HSPG2: variants seen among roughly 807,000 people sequenced by gnomAD.
The protein encoded by HSPG2 is basement membrane-specific heparan sulfate proteoglycan core protein.
In HSPG2, 278 loss-of-function variants were observed where a neutral mutation model predicts 526.6. That is an observed-to-expected ratio of 0.53 (90% CI 0.48 to 0.58). HSPG2 has a LOEUF of 0.58. Ranked by LOEUF, HSPG2 falls within the 20% of genes least tolerant of loss-of-function variation. HSPG2 has a pLI of 0.00. For synonymous variants in HSPG2, 2,465 were observed against 2,555.4 expected (o/e 0.96, Z 1.07); for missense variants, 5,354 against 6,099.5 (o/e 0.88, Z 4.07).
intron 1 of HSPG2, among the ~76,000 whole-genome samples, chr1:21,911,886 C>G (rs1020996109): frequency 4.6e-5 from 7 of 152,208 alleles, no homozygotes; most frequent in African/African-American, 1.7e-4. Flanking sequence ...AGCTCTCTCT[C>G]CTCTGAACTC....
At chr1:21,910,905 G>A (rs183822323) in intron 1 of HSPG2, among the ~76,000 whole-genome samples, 8 of 152,274 alleles carry the variant, frequency 5.3e-5, no homozygotes, top group Admixed American at 1.3e-4. Context: ...GCAAGAAAAC[G>A]GGAGTTCCAG....
chr1:21,863,620 G>A (rs1639996919), intron 37 of HSPG2, among the ~76,000 whole-genome samples: 1 of 151,280 alleles, frequency 6.6e-6, no homozygotes, highest in African/African-American at 2.4e-5. Context: ...AGTGGCTCAT[G>A]TCTGTAGTCC....
Position 21,844,196 on chromosome 1 carries a change from G to A in HSPG2, c.8568C>T (p.Ala2856=). Residue 2856 remains alanine, a synonymous_variant, in exon 65 of 97, where the codon GCC becomes GCT. Transcript: ENST00000374695. The part of the protein sequence containing the change: ...LKCVVPGQAH[A]QVTWHKRGGN... ...CTCCACGCTTGTGCCACGTGACCTG[G>A]GCGTGGGCCTGCCCGGGCACCACGC... 4.3e-6 allele frequency: 7 copies of A among 1,613,772 alleles called. No homozygotes were observed. The highest frequency in any genetic ancestry group is 1.7e-6 in the Non-Finnish European group (2 of 1,180,032).
intron 74 of HSPG2, among the ~76,000 whole-genome samples, chr1:21,838,152 AAAAAAAG>A (rs1386206625): frequency 0.044 from 6,525 of 148,282 alleles, 228 homozygotes; most frequent in African/African-American, 0.12. Context: ...AAAAAAAAAA[AAAAAAAG>A]AAAGAAACTG....
At chr1:21,826,005 C>T (rs977034483) in intron 91 of HSPG2, among the ~76,000 whole-genome samples, 1 of 151,854 alleles carries the variant, frequency 6.6e-6, no homozygotes, top group Non-Finnish European at 1.5e-5. Flanking sequence ...AGGCTGGTCT[C>T]GAACTGATCT....
intron 6 of HSPG2, chr1:21,888,837 A>G: frequency 1.7e-6 from 1 of 584,978 alleles, no homozygotes; most frequent in Non-Finnish European, 2.6e-6. Context: ...GTGAGAGAGG[A>G]GGGCTGGACC....
Position 21,850,101 on chromosome 1 carries a change from A to C in HSPG2, c.7386T>G (p.Gly2462=). Residue 2462 remains glycine, a synonymous_variant, in exon 57 of 97, where the codon GGT becomes GGG. Transcript: ENST00000374695. Reference sequence around the variant, plus strand: ...GCCACGTGACCTGGGCATGGGCCTGACCAGCAACGAGGCAGTTCAGGTCCA... The same window carrying C: ...GCCACGTGACCTGGGCATGGGCCTGCCCAGCAACGAGGCAGTTCAGGTCCA... The part of the protein sequence containing the change: ...QTLDLNCLVA[G]QAHAQVTWHK... 6.2e-7 allele frequency: 1 copy of C among 1,613,442 alleles called. No homozygotes were observed. The highest frequency in any genetic ancestry group is 8.5e-7 in the Non-Finnish European group (1 of 1,180,012).
At chr1:21,869,335 G>T in intron 33 of HSPG2, 1 of 486,736 alleles carries the variant, frequency 2.1e-6, no homozygotes, top group Non-Finnish European at 2.7e-6. Flanking sequence ...GTACATGATT[G>T]ATTTAAGAGA....
rs1306315921 is a variant in HSPG2, at chr1:21,893,195, T to A, written c.245-2501A>T. Among the ~76,000 whole-genome samples the A allele has an allele frequency of 7.2e-5, 11 of 152,220 alleles. No individual in the cohort carries two copies. Among genetic ancestry groups the A allele is most frequent in the Admixed American group, 7.2e-4 (11 of 15,290 alleles). On this transcript the variant is annotated intron_variant, in intron 3 of 96. Transcript: ENST00000374695. The surrounding 1 kb of genome is among the most constrained non-coding windows in gnomAD (Gnocchi z 4.3). ...CCCGAACTCCAGCCCTGGGTCCCTG[T>A]GGGTCCCTCGGGTGGGCCCAGGATT...
chr1:21,823,046 CCCACCCAGCCA>C lies in HSPG2; in HGVS notation c.*259_*269del. On this transcript the variant is annotated 3_prime_UTR_variant, in exon 97 of 97. Transcript: ENST00000374695. ...GGGGGACAGTGGGGGCAGTTCTGGGCCCACCCAGCCACTGTTCCTGACCCCAAGTCCTGGTG... is the reference window on the plus strand; with the variant it reads ...GGGGGACAGTGGGGGCAGTTCTGGGCCTGTTCCTGACCCCAAGTCCTGGTG... The C allele has an allele frequency of 8.1e-6, 3 of 368,928 alleles. No individual in the cohort carries two copies. The highest frequency in any genetic ancestry group is 1.4e-5 in the Non-Finnish European group (3 of 207,222). 22.9% of individuals were successfully genotyped at this position (368,928 alleles called of 1,614,324 possible). A position where few individuals can be genotyped will look rare whatever the true frequency, so the allele number is the denominator to read the frequency against.
rs1204956340 is a variant in HSPG2, at chr1:21,887,131, G to A, written c.1078+84C>T. 2.8e-6 allele frequency: 4 copies of A among 1,430,266 alleles called. No individual in the cohort carries two copies. The highest frequency in any genetic ancestry group is 3.8e-6 in the Non-Finnish European group (4 of 1,041,212). The allele number at this position is 1,430,266 out of a possible 1,614,324, so 88.6% of individuals were successfully genotyped here. On this transcript the variant is annotated intron_variant, in intron 9 of 96. Coordinates refer to ENST00000374695, the MANE Select transcript of HSPG2 (RefSeq NM_005529.7). This position sits in a 1 kb window ranked among gnomAD's most constrained non-coding sequence, Gnocchi z 5.0. ...GGGGGAAAGCGGAGGGGCAGGGTAG[G>A]GGCGGGGCAGGAGTGGAAGGCGGGG... is the stretch of plus-strand genomic sequence containing the variant.
In HSPG2 at chr1:21,852,781, C is replaced by T. The variant is rs774844505; in HGVS notation, c.6643G>A (p.Glu2215Lys). Residue 2215 changes from glutamate (E) to lysine (K), a missense_variant, in exon 52 of 97, where the codon GAG becomes AAG. By Grantham distance (56) the Glu-to-Lys change is moderately conservative. Transcript: ENST00000374695. Reference protein sequence around the residue: ...LHQVTPADSGEYVCHVVGTSG... With the variant: ...LHQVTPADSGKYVCHVVGTSG... ...GTGCCCACCACATGGCACACATACTCGCCTGAGTCGGCCGGGGTCACCTGG... is the reference window on the plus strand; with the variant it reads ...GTGCCCACCACATGGCACACATACTTGCCTGAGTCGGCCGGGGTCACCTGG... 9.9e-6 allele frequency: 16 copies of T among 1,612,940 alleles called. No homozygotes were observed. Among genetic ancestry groups the T allele is most frequent in the South Asian group, 2.2e-5 (2 of 91,082 alleles).
chr1:21,827,189 A>C (rs1365502740), intron 91 of HSPG2, among the ~76,000 whole-genome samples: 1 of 152,086 alleles, frequency 6.6e-6, no homozygotes, highest in Non-Finnish European at 1.5e-5. Flanking sequence ...GCCTGGGTGA[A>C]AGAGCAAGAC....
intron 1 of HSPG2, among the ~76,000 whole-genome samples, chr1:21,897,082 A>C (rs1423468580): frequency 6.6e-6 from 1 of 152,224 alleles, no homozygotes; most frequent in East Asian, 1.9e-4. Flanking sequence ...CCCAGCAGCC[A>C]TAACACCTGC....
chr1:21,855,053 G>A (rs1639227473), intron 47 of HSPG2, 70 bp from the exon 48 acceptor site: 1 of 1,572,742 alleles, frequency 6.4e-7, no homozygotes, highest in Non-Finnish European at 8.7e-7. Context: ...GGACAGATAG[G>A]GCATAAAAGG....
Position 21,828,174 on chromosome 1 carries a change from A to AGTGG in HSPG2, c.12410-26_12410-23dup. On this transcript the variant is annotated intron_variant, in intron 89 of 96. Transcript: ENST00000374695. This position sits in a 1 kb window ranked among gnomAD's most constrained non-coding sequence, Gnocchi z 6.0. ...TCTCCTGTGGGCCAGGGCAGAGGCG[A>AGTGG]GTGGGTGGGTGGGCATGGGCTGGAG... 1.7e-6 allele frequency: 1 copy of AGTGG among 603,964 alleles called. No individual in the cohort carries two copies. Among genetic ancestry groups the AGTGG allele is most frequent in the East Asian group, 5.8e-5 (1 of 17,378 alleles). The allele number at this position is 603,964 out of a possible 1,614,324, so 37.4% of individuals were successfully genotyped here. A position where few individuals can be genotyped will look rare whatever the true frequency, so the allele number is the denominator to read the frequency against.
chr1:21,857,107 C>A lies in HSPG2; in HGVS notation c.5483G>T (p.Arg1828Leu), dbSNP rs745892835. 57 of 1,614,002 alleles carry A rather than the reference C, an allele frequency of 3.5e-5. No individual in the cohort carries two copies. The South Asian group carries it at 4.9e-4, about 14-fold the overall frequency. Residue 1828 changes from arginine (R) to leucine (L), a missense_variant, in exon 44 of 97, where the codon CGC becomes CTC. Arg to Leu is a moderately radical substitution (Grantham distance 102). Transcript: ENST00000374695. ...GCCTGCATCACTCAGCTGGACGTTG[C>A]GAATGGTCAGGATGCCATTGAAATC... Reference protein sequence around the residue: ...AMDFNGILTIRNVQLSDAGTY... With the variant: ...AMDFNGILTILNVQLSDAGTY...
chr1:21,922,550 C>A (rs887738194), intron 1 of HSPG2, among the ~76,000 whole-genome samples: 1 of 152,164 alleles, frequency 6.6e-6, no homozygotes, highest in Non-Finnish European at 1.5e-5. Flanking sequence ...TGCATCCCCC[C>A]ACCACTTGAA....
At chr1:21,921,043 A>G (rs545669871) in intron 1 of HSPG2, among the ~76,000 whole-genome samples, 5 of 152,232 alleles carry the variant, frequency 3.3e-5, no homozygotes, top group African/African-American at 7.2e-5. Context: ...AACAAAAACT[A>G]TAACAGTAAT....
Sources: allele counts gnomAD v4.1 joint callset (sites outside exome capture counted in the v4.1 genomes callset), GRCh38; gene constraint gnomAD v4.1.1; non-coding constraint Gnocchi (gnomAD v3.1); transcripts MANE v1.5; gene names NCBI Gene and HGNC (gene_info 2026-07-23, HGNC 2026-07-21).